The following RTP2 variants were observed in gnomAD, a reference collection of about 807,000 sequenced individuals.
RTP2 encodes receptor transporter protein 2.
A neutral mutation model predicts 17.9 loss-of-function variants in RTP2; 12 were observed. The ratio of observed to expected loss-of-function variants is 0.67; its 90% CI spans 0.43 to 1.09. RTP2 has a LOEUF of 1.09. Among genes scored for constraint, RTP2 ranks in the 50% least tolerant of loss-of-function variants. The pLI is 0.00. For synonymous variants in RTP2, 126 were observed against 117.7 expected (o/e 1.07, Z -0.46); for missense variants, 327 against 295.7 (o/e 1.11, Z -0.78).
At chr3:187,704,773 G>A (rs1217328968), upstream of RTP2, among the ~76,000 whole-genome samples, 3 of 152,184 alleles carry the variant, frequency 2.0e-5, no homozygotes, top group Non-Finnish European at 4.4e-5. Context: ...CCAGGATGTA[G>A]CACTTAGCGA....
rs975530805 is a variant in RTP2 at position 187,699,133 on chromosome 3, G to C, written c.165-122C>G. 6 of 1,208,928 alleles carry C rather than the reference G, an allele frequency of 5.0e-6. No individual in the cohort carries two copies. The African/African-American group carries it at 9.2e-5, about 19-fold the overall frequency. The allele number at this position is 1,208,928 out of a possible 1,614,324, so 74.9% of individuals were successfully genotyped here. On this transcript the variant is annotated intron_variant, in intron 1 of 1. Transcript: ENST00000358241. Reference sequence around the variant, plus strand: ...CTTGGAGATGGAGGCAGTGTTTACTGCCCTGTGGATTCATTAGCACTCCAA... The same window carrying C: ...CTTGGAGATGGAGGCAGTGTTTACTCCCCTGTGGATTCATTAGCACTCCAA...
chr3:187,710,187 T>A, the RTP2 span, among the ~76,000 whole-genome samples: 1 of 152,058 alleles, frequency 6.6e-6, no homozygotes, highest in Non-Finnish European at 1.5e-5. Flanking sequence ...CCTCCTGCCC[T>A]CAACTCCTGA....
At chr3:187,701,287 C>G (rs1717839657) in intron 1 of RTP2, among the ~76,000 whole-genome samples, 1 of 152,168 alleles carries the variant, frequency 6.6e-6, no homozygotes, top group African/African-American at 2.4e-5. Context: ...ATGTGCAGCT[C>G]CTATAAAGAG....
chr3:187,698,605 C>T (rs748065302), exon 2 of RTP2: 2 of 1,613,982 alleles, frequency 1.2e-6, no homozygotes, highest in Non-Finnish European at 1.7e-6. Context: ...TAGCCGGATC[C>T]CGCCTGGGCC....
At chr3:187,707,809 T>C in the RTP2 span, among the ~76,000 whole-genome samples, 1 of 152,220 alleles carries the variant, frequency 6.6e-6, no homozygotes, top group Non-Finnish European at 1.5e-5. Context: ...TGTCTAAAAA[T>C]GCTGTTTCCA....
chr3:187,702,596 C>T, upstream of RTP2: 1 of 456,782 alleles, frequency 2.2e-6, no homozygotes, highest in South Asian at 1.5e-5. Context: ...AAGGCAGAGC[C>T]TGCTGCTTCC....
At chr3:187,698,331 T>A (rs994622067) in exon 2 of RTP2, 22 of 612,950 alleles carry the variant, frequency 3.6e-5, no homozygotes, top group Admixed American at 9.0e-5. Context: ...AAAGAATCAT[T>A]GCCTATCTTC....
the RTP2 span, among the ~76,000 whole-genome samples, chr3:187,711,968 C>T: frequency 1.3e-5 from 2 of 151,938 alleles, no homozygotes; most frequent in African/African-American, 2.4e-5. Flanking sequence ...TCAGCGGTTG[C>T]CAGAGGTTAG....
the RTP2 span, among the ~76,000 whole-genome samples, chr3:187,710,553 A>ATATGTGCATATATATATATATG: frequency 4.6e-4 from 68 of 148,722 alleles, no homozygotes; most frequent in African/African-American, 1.7e-3. Flanking sequence ...ATATATATAT[A>ATATGTGCATATATATATATATG]TGTGTGTGTA....
At chr3:187,706,967 G>A (rs898817050), upstream of RTP2, among the ~76,000 whole-genome samples, 2 of 152,086 alleles carry the variant, frequency 1.3e-5, no homozygotes, top group African/African-American at 4.8e-5. Context: ...CACACATCTG[G>A]GTTCCTAATA....
chr3:187,704,044 ATT>A (rs1717928547), upstream of RTP2, among the ~76,000 whole-genome samples: 1 of 152,184 alleles, frequency 6.6e-6, no homozygotes, highest in African/African-American at 2.4e-5. Flanking sequence ...AGAACCCACG[ATT>A]TAAGAGCTCA....
chr3:187,698,876 G>T, exon 2 of RTP2: 1 of 1,613,126 alleles, frequency 6.2e-7, no homozygotes, highest in Non-Finnish European at 8.5e-7. Flanking sequence ...GCCGCGCCGT[G>T]CCGCACTCAT....
chr3:187,698,346 G>A (rs1288032135), exon 2 of RTP2: 4 of 641,810 alleles, frequency 6.2e-6, no homozygotes, highest in African/African-American at 5.5e-5. Flanking sequence ...ATCTTCTAAT[G>A]CAATCCTCTC....
At chr3:187,715,383 T>C in the RTP2 span, among the ~76,000 whole-genome samples, 1 of 151,014 alleles carries the variant, frequency 6.6e-6, no homozygotes, top group Non-Finnish European at 1.5e-5. Flanking sequence ...TCTTTATAAT[T>C]CCTGTTCATT....
At chr3:187,705,422 G>A (rs1384509893), upstream of RTP2, among the ~76,000 whole-genome samples, 2 of 152,218 alleles carry the variant, frequency 1.3e-5, no homozygotes, top group Admixed American at 1.3e-4. Context: ...GATAGATTGT[G>A]CTGGCTTTTA....
chr3:187,706,352 C>T (rs961566174), upstream of RTP2, among the ~76,000 whole-genome samples: 1 of 152,106 alleles, frequency 6.6e-6, no homozygotes, highest in African/African-American at 2.4e-5. Context: ...CTTATAGACA[C>T]TATAGTTAAA....
chr3:187,702,611 C>A (rs1032193121), upstream of RTP2: 7 of 456,308 alleles, frequency 1.5e-5, no homozygotes, highest in African/African-American at 1.4e-4. Context: ...GCTTCCACAC[C>A]CCCTGATATG....
At chr3:187,709,567 C>A in the RTP2 span, among the ~76,000 whole-genome samples, 2 of 152,132 alleles carry the variant, frequency 1.3e-5, no homozygotes, top group African/African-American at 4.8e-5. Flanking sequence ...CCCTTGTAAT[C>A]CCAGCTACTC....
chr3:187,704,985 C>A (rs1459652422), upstream of RTP2, among the ~76,000 whole-genome samples: 1 of 152,132 alleles, frequency 6.6e-6, no homozygotes, highest in East Asian at 1.9e-4. Context: ...TGTCCAAGGG[C>A]CCAAATTCTG....
Sources: allele counts gnomAD v4.1 joint callset (sites outside exome capture counted in the v4.1 genomes callset), GRCh38; gene constraint gnomAD v4.1.1; transcripts MANE v1.5; gene names NCBI Gene and HGNC (gene_info 2026-07-23, HGNC 2026-07-21).